Variants in KLHL32 observed in about 807,000 individuals in gnomAD.
The protein encoded by KLHL32 is kelch-like protein 32.
In KLHL32, 35 loss-of-function variants were observed where a neutral mutation model predicts 64.8. That is an observed-to-expected ratio of 0.54 (90% confidence interval 0.41 to 0.72). KLHL32 has a LOEUF of 0.72. Among genes scored for constraint, KLHL32 ranks in the 30% least tolerant of loss-of-function variants. The pLI is 0.00. For synonymous variants in KLHL32, 259 were observed against 281.0 expected, an observed-to-expected ratio of 0.92 and a Z score of 0.78; for missense variants, 589 against 768.5, an observed-to-expected ratio of 0.77 and a Z score of 2.76.
intron 10 of KLHL32, among the ~76,000 whole-genome samples, chr6:97,134,005 A>C (rs541799515): frequency 3.0e-4 from 45 of 150,584 alleles, no homozygotes; most frequent in African/African-American, 1.1e-3. Flanking sequence ...AGAACTTAAC[A>C]AAAAAAAACC....
At chr6:97,125,875 T>A (rs1374877641) in intron 7 of KLHL32, among the ~76,000 whole-genome samples, 5 of 152,218 alleles carry the variant, frequency 3.3e-5, no homozygotes, top group Non-Finnish European at 5.9e-5. Flanking sequence ...CTCTCTGGAC[T>A]TTAAGGAAGA....
intron 5 of KLHL32, among the ~76,000 whole-genome samples, chr6:97,075,213 G>A (rs1791412668): frequency 6.6e-6 from 1 of 152,206 alleles, no homozygotes; most frequent in East Asian, 1.9e-4. Flanking sequence ...AGAGCATGCT[G>A]GAGTTTTCCT....
chr6:96,947,434 C>T (rs896909812), intron 1 of KLHL32, among the ~76,000 whole-genome samples: 5 of 152,118 alleles, frequency 3.3e-5, no homozygotes, highest in Admixed American at 2.0e-4. Flanking sequence ...TTAGGAACAT[C>T]GATACAATTT....
intron 6 of KLHL32, among the ~76,000 whole-genome samples, chr6:97,104,248 T>C (rs1275506323): frequency 6.6e-6 from 1 of 152,208 alleles, no homozygotes; most frequent in Admixed American, 6.5e-5. Flanking sequence ...ACTAAATATC[T>C]GGAACTTACA....
At chr6:97,086,689 T>C (rs1460662416) in intron 6 of KLHL32, among the ~76,000 whole-genome samples, 6 of 152,230 alleles carry the variant, frequency 3.9e-5, no homozygotes, top group African/African-American at 1.2e-4. Flanking sequence ...TTGTGGCTCC[T>C]TGGGTATTTC....
chr6:96,898,322 A>G, the KLHL32 span, among the ~76,000 whole-genome samples: 6 of 152,238 alleles, frequency 3.9e-5, no homozygotes, highest in Non-Finnish European at 5.9e-5. Flanking sequence ...TTACTGAACC[A>G]GGGTCAAACT....
In KLHL32 at chr6:97,055,839, T is replaced by C. The variant is rs147682826; in HGVS notation, c.313-8789T>C. Among the ~76,000 whole-genome samples, 914 of 124,334 alleles carry C rather than the reference T, an allele frequency of 7.4e-3. 8 individuals are homozygous for C. Among genetic ancestry groups the C allele is most frequent in the Non-Finnish European group, 9.2e-3 (511 of 55,370 alleles). The allele number at this position is 124,334 out of a possible 152,430, so 81.6% of individuals were successfully genotyped here. On this transcript the variant is annotated intron_variant, in intron 4 of 10. Transcript: ENST00000369261. ...AAAAAAAAACCCCTTCTTATTTCTATATTCCTCTTGAGCTACCACTTATTT... is the reference window on the plus strand; with the variant it reads ...AAAAAAAAACCCCTTCTTATTTCTACATTCCTCTTGAGCTACCACTTATTT...
chr6:96,987,292 T>C (rs542162122), intron 3 of KLHL32, among the ~76,000 whole-genome samples: 2 of 152,314 alleles, frequency 1.3e-5, no homozygotes, highest in South Asian at 2.1e-4. Flanking sequence ...GTTCTTTTAA[T>C]TGTGATGTTA....
rs192479229 is a variant in KLHL32, at chr6:97,111,034, G to C, written c.628-2749G>C. 4.6e-4 allele frequency among the ~76,000 whole-genome samples: 69 copies of C among 148,596 alleles called. No individual in the cohort carries two copies. In the South Asian group the frequency reaches 5.6e-3, roughly 12 times the overall value. ...AAAGATACCACAGAAAAGTCTTGGGGGGGGGGGGTCTTAGCCAACCACCTG... is the reference window on the plus strand; with the variant it reads ...AAAGATACCACAGAAAAGTCTTGGGCGGGGGGGGTCTTAGCCAACCACCTG... On this transcript the variant is annotated intron_variant, in intron 6 of 10. Coordinates refer to ENST00000369261, the MANE Select transcript of KLHL32 (RefSeq NM_052904.4).
chr6:97,120,863 G>A (rs1798290022), intron 7 of KLHL32, among the ~76,000 whole-genome samples: 1 of 152,124 alleles, frequency 6.6e-6, no homozygotes, highest in South Asian at 2.1e-4. Context: ...GCTGCCCCCA[G>A]CAGTTACTTT....
intron 1 of KLHL32, among the ~76,000 whole-genome samples, chr6:96,944,431 G>C (rs767898464): frequency 1.3e-5 from 2 of 152,172 alleles, no homozygotes; most frequent in Non-Finnish European, 2.9e-5. Context: ...AATGCTGTTT[G>C]TGGGGAACAA....
At chr6:97,076,944 A>C (rs1486808622) in intron 5 of KLHL32, among the ~76,000 whole-genome samples, 1 of 152,190 alleles carries the variant, frequency 6.6e-6, no homozygotes, top group East Asian at 1.9e-4. Flanking sequence ...AAATAAAAGC[A>C]ATAAAATTTG....
intron 1 of KLHL32, among the ~76,000 whole-genome samples, chr6:96,952,759 T>C (rs1225302443): frequency 6.6e-6 from 1 of 152,226 alleles, no homozygotes; most frequent in Non-Finnish European, 1.5e-5. Flanking sequence ...GATTTGTGAC[T>C]TCCCCAGTTG....
intron 7 of KLHL32, among the ~76,000 whole-genome samples, chr6:97,123,980 T>C (rs909752490): frequency 1.3e-5 from 2 of 152,198 alleles, no homozygotes; most frequent in African/African-American, 4.8e-5. Context: ...AGCATCTCAT[T>C]TCAGCAGATT....
At position 97,114,279 on chromosome 6, in the gene KLHL32, G is replaced by C. The variant is rs749669529; in HGVS notation, c.1124G>C (p.Ser375Thr). The change falls in exon 7 of 11, where the codon AGT (serine) becomes ACT (threonine). Residue 375 changes from serine (S) to threonine (T), a missense_variant. Ser to Thr is a moderately conservative substitution (Grantham distance 58). This residue lies in a region of KLHL32 where 226 missense variants were observed against 353.2 expected (regional missense o/e 0.64). Transcript: ENST00000369261. Reference sequence around the variant, plus strand: ...ACTGCCTGTCGCTATGACCCCCGCAGTAATTCCTGGGCAGAGATAGCACCC... The same window carrying C: ...ACTGCCTGTCGCTATGACCCCCGCACTAATTCCTGGGCAGAGATAGCACCC... ...VRTACRYDPR[S>T]NSWAEIAPMK... 3.2e-5 allele frequency: 52 copies of C among 1,614,050 alleles called. No individual in the cohort carries two copies. The highest frequency in any genetic ancestry group is 3.9e-5 in the Non-Finnish European group (46 of 1,180,038).
At chr6:97,084,396 G>A (rs1793073255) in intron 5 of KLHL32, among the ~76,000 whole-genome samples, 1 of 152,146 alleles carries the variant, frequency 6.6e-6, no homozygotes, top group African/African-American at 2.4e-5. Context: ...CCCTGGCTAT[G>A]AGCTTGAGAC....
intron 3 of KLHL32, among the ~76,000 whole-genome samples, chr6:97,034,066 A>G (rs1250294311): frequency 6.6e-6 from 1 of 152,024 alleles, no homozygotes; most frequent in Non-Finnish European, 1.5e-5. Context: ...TTTTGTTGCC[A>G]GTAGTTTGGT....
At chr6:97,086,105 C>A (rs1320607962) in intron 6 of KLHL32, among the ~76,000 whole-genome samples, 2 of 152,204 alleles carry the variant, frequency 1.3e-5, no homozygotes, top group Admixed American at 1.3e-4. Context: ...GAAGCACTGG[C>A]TAGCCATTTT....
At chr6:97,028,729 G>T (rs555572389) in intron 3 of KLHL32, among the ~76,000 whole-genome samples, 9 of 152,202 alleles carry the variant, frequency 5.9e-5, no homozygotes, top group Non-Finnish European at 1.2e-4. Flanking sequence ...TGCCATATGC[G>T]AGAGATCAAA....
Sources: gnomAD v4.1 joint callset for allele counts (sites outside exome capture counted in the v4.1 genomes callset) on GRCh38, gnomAD v4.1.1 for gene constraint, gnomAD v4.1.1 regional missense constraint, MANE v1.5 for transcripts, NCBI Gene and HGNC (gene_info 2026-07-23, HGNC 2026-07-21) for gene names.